The following SHISA9 variants were observed in gnomAD, a reference collection of about 807,000 sequenced individuals.
SHISA9 encodes the protein shisa family member 9.
Under a neutral mutation model 38.0 loss-of-function variants are expected in SHISA9, and 13 were observed. That is an observed-to-expected ratio of 0.34 (90% CI 0.22 to 0.54). SHISA9 has a LOEUF of 0.54. Ranked by LOEUF, SHISA9 falls within the 20% of genes least tolerant of loss-of-function variation. The pLI is 0.91. For synonymous variants in SHISA9, 275 were observed against 242.0 expected, an observed-to-expected ratio of 1.14 and a Z score of -1.27; for missense variants, 538 against 575.8, an observed-to-expected ratio of 0.93 and a Z score of 0.67.
chr16:13,558,158 C>CG, the SHISA9 span, among the ~76,000 whole-genome samples: 2,133 of 152,274 alleles, frequency 0.014, 45 homozygotes, highest in African/African-American at 0.049. Flanking sequence ...TGCTTTGCCC[C>CG]GAGTTTGCTG....
intron 2 of SHISA9, among the ~76,000 whole-genome samples, chr16:13,033,593 C>A (rs1402561064): frequency 6.6e-6 from 1 of 152,042 alleles, no homozygotes; most frequent in Non-Finnish European, 1.5e-5. Flanking sequence ...ATTAGGGGTC[C>A]ACTTGCATTC....
the SHISA9 span, among the ~76,000 whole-genome samples, chr16:13,317,356 G>T: frequency 6.6e-6 from 1 of 152,210 alleles, no homozygotes; most frequent in African/African-American, 2.4e-5. Flanking sequence ...ACCCCGTTGA[G>T]GATTCTCAGG....
intron 2 of SHISA9, among the ~76,000 whole-genome samples, chr16:13,099,866 G>C (rs574060977): frequency 3.3e-5 from 5 of 152,146 alleles, no homozygotes; most frequent in Non-Finnish European, 7.4e-5. Context: ...GGGCCTCCAG[G>C]GGAGCTGGAG....
the SHISA9 span, among the ~76,000 whole-genome samples, chr16:13,538,827 A>C: frequency 0.075 from 11,416 of 152,258 alleles, 623 homozygotes; most frequent in East Asian, 0.19. Flanking sequence ...TTGCATCTTC[A>C]GTTCCAAGAA....
the SHISA9 span, among the ~76,000 whole-genome samples, chr16:13,447,533 A>G: frequency 2.6e-5 from 4 of 152,232 alleles, no homozygotes; most frequent in South Asian, 2.1e-4. Context: ...CCCACTACAG[A>G]TGCTGCACAT....
intron 2 of SHISA9, among the ~76,000 whole-genome samples, chr16:13,085,123 A>C (rs1408651201): frequency 6.6e-6 from 1 of 152,188 alleles, no homozygotes. Context: ...TGGATTGAGA[A>C]GGATATCCTT....
the SHISA9 span, among the ~76,000 whole-genome samples, chr16:13,252,531 C>G: frequency 4.7e-4 from 71 of 152,204 alleles, no homozygotes; most frequent in African/African-American, 1.6e-3. Flanking sequence ...TCTTCCTCCC[C>G]TGGCTCACCC....
At chr16:13,097,445 T>G (rs2073839286) in intron 2 of SHISA9, among the ~76,000 whole-genome samples, 1 of 151,870 alleles carries the variant, frequency 6.6e-6, no homozygotes, top group African/African-American at 2.4e-5. Flanking sequence ...TGAGTGGGGT[T>G]TTGCTTTGCC....
At chr16:13,557,807 A>G in the SHISA9 span, among the ~76,000 whole-genome samples, 2 of 152,076 alleles carry the variant, frequency 1.3e-5, no homozygotes, top group Non-Finnish European at 2.9e-5. Context: ...CCATCTCATC[A>G]ATCTCATCTT....
intron 2 of SHISA9, among the ~76,000 whole-genome samples, chr16:12,930,852 G>GA (rs1339446244): frequency 6.6e-6 from 1 of 151,772 alleles, no homozygotes; most frequent in African/African-American, 2.4e-5. Flanking sequence ...GGTACAAAGG[G>GA]AAAAAAACCC....
chr16:13,152,364 G>C (rs1248453654), intron 2 of SHISA9, among the ~76,000 whole-genome samples: 2 of 152,096 alleles, frequency 1.3e-5, no homozygotes, highest in Non-Finnish European at 2.9e-5. Flanking sequence ...TTGAATTTGA[G>C]GCTGCCAAGG....
chr16:13,537,155 TG>T, the SHISA9 span, among the ~76,000 whole-genome samples: 1 of 152,064 alleles, frequency 6.6e-6, no homozygotes, highest in African/African-American at 2.4e-5. Flanking sequence ...GGGCCAGGCC[TG>T]GTGGCTCATG....
At chr16:12,931,083 C>G (rs1322204867) in intron 2 of SHISA9, among the ~76,000 whole-genome samples, 2 of 152,164 alleles carry the variant, frequency 1.3e-5, no homozygotes, top group African/African-American at 4.8e-5. Flanking sequence ...GATGCAGTCT[C>G]TGGATGTTCC....
intron 2 of SHISA9, among the ~76,000 whole-genome samples, chr16:13,002,160 G>T (rs2072533688): frequency 6.6e-6 from 1 of 152,178 alleles, no homozygotes; most frequent in African/African-American, 2.4e-5. Context: ...GATATGCCAG[G>T]ACCTTTACAT....
chr16:13,327,204 A>G, the SHISA9 span, among the ~76,000 whole-genome samples: 1 of 152,142 alleles, frequency 6.6e-6, no homozygotes, highest in African/African-American at 2.4e-5. Context: ...TGCCCGCTGC[A>G]CTAGAAGTGT....
chr16:13,137,162 C>T (rs916871127), intron 2 of SHISA9, among the ~76,000 whole-genome samples: 6 of 152,156 alleles, frequency 3.9e-5, no homozygotes, highest in African/African-American at 1.4e-4. Context: ...CAATCCTAAC[C>T]TTCTGTATCT....
intron 2 of SHISA9, among the ~76,000 whole-genome samples, chr16:13,030,397 C>T (rs1165544849): frequency 1.3e-5 from 2 of 152,194 alleles, no homozygotes; most frequent in East Asian, 3.8e-4. Context: ...CTCTAAGGTA[C>T]ATTCAACAGC....
At chr16:13,515,147 C>G in the SHISA9 span, among the ~76,000 whole-genome samples, 1 of 152,134 alleles carries the variant, frequency 6.6e-6, no homozygotes, top group South Asian at 2.1e-4. Flanking sequence ...TGGGAAATGT[C>G]TGCACCCCCT....
At chr16:12,970,354 T>TAC (rs1567356839) in intron 2 of SHISA9, among the ~76,000 whole-genome samples, 36 of 48,682 alleles carry the variant, frequency 7.4e-4, no homozygotes, top group Non-Finnish European at 1.2e-3. Flanking sequence ...CATATATGTG[T>TAC]ATATATATAT....
Sources: allele counts gnomAD v4.1 joint callset (sites outside exome capture counted in the v4.1 genomes callset), GRCh38; gene constraint gnomAD v4.1.1; transcripts MANE v1.5; gene names NCBI Gene and HGNC (gene_info 2026-07-23, HGNC 2026-07-21).